Variants in FBN3 observed in about 807,000 individuals in gnomAD.
The protein encoded by FBN3 is fibrillin-3.
In FBN3, 234 loss-of-function variants were observed where a neutral mutation model predicts 330.1. The ratio of observed to expected loss-of-function variants is 0.71; its 90% CI spans 0.64 to 0.79. The LOEUF is 0.79. Ranked by LOEUF, FBN3 falls within the 30% of genes least tolerant of loss-of-function variation. The probability of loss-of-function intolerance (pLI) is 0.00; values close to 1 mark genes in which losing one functional copy is unlikely to be tolerated. For synonymous variants in FBN3, 1,458 were observed against 1,517.3 expected, an observed-to-expected ratio of 0.96 and a Z score of 0.91; for missense variants, 3,606 against 3,886.9, an observed-to-expected ratio of 0.93 and a Z score of 1.92.
Position 8,129,455 on chromosome 19 carries a change from T to G in FBN3, c.2045-90A>C. On this transcript the variant is annotated intron_variant, in intron 16 of 63. Coordinates refer to ENST00000600128, the MANE Select transcript of FBN3 (RefSeq NM_032447.5). The surrounding 1 kb of genome is among the most constrained non-coding windows in gnomAD (Gnocchi z 4.5). Reference sequence around the variant, plus strand: ...TGTGTCGCGGCGCACCAGGGGTCTCTAGAAGTCAGATTCCCCAAGGCCATA... The same window carrying G: ...TGTGTCGCGGCGCACCAGGGGTCTCGAGAAGTCAGATTCCCCAAGGCCATA... 1 of 1,530,928 alleles carries G rather than the reference T, an allele frequency of 6.5e-7. No homozygotes were observed. The highest frequency in any genetic ancestry group is 8.9e-7 in the Non-Finnish European group (1 of 1,126,710). The allele number at this position is 1,530,928 out of a possible 1,614,324, so 94.8% of individuals were successfully genotyped here. A position where few individuals can be genotyped will look rare whatever the true frequency, so the allele number is the denominator to read the frequency against.
intron 6 of FBN3, among the ~76,000 whole-genome samples, chr19:8,143,736 G>A (rs1427057268): frequency 2.7e-5 from 4 of 150,928 alleles, no homozygotes; most frequent in Non-Finnish European, 5.9e-5. Flanking sequence ...CGAGTGATCT[G>A]CCCGCCTCGG....
chr19:8,101,187 C>G (rs1675790878), intron 40 of FBN3, among the ~76,000 whole-genome samples: 1 of 152,082 alleles, frequency 6.6e-6, no homozygotes, highest in African/African-American at 2.4e-5. Flanking sequence ...TGCACTGGTG[C>G]AATCACGGCT....
chr19:8,111,215 G>C, intron 32 of FBN3, 32 bp from the exon 33 acceptor site: 1 of 1,563,856 alleles, frequency 6.4e-7, no homozygotes, highest in Non-Finnish European at 8.7e-7. Context: ...AGGGCTGGAG[G>C]CCGGTGGACC....
intron 8 of FBN3, 56 bp downstream of exon 8, chr19:8,141,661 C>T: frequency 1.3e-6 from 2 of 1,553,750 alleles, no homozygotes; most frequent in East Asian, 4.5e-5. Flanking sequence ...GAGCCTGAGC[C>T]CCCCAGGTCA....
chr19:8,135,936 G>GGTCCCCCCCCCCC, intron 13 of FBN3, 25 bp downstream of exon 13: 2 of 668,778 alleles, frequency 3.0e-6, no homozygotes, highest in South Asian at 1.6e-5. Flanking sequence ...GGAAGCCCCT[G>GGTCCCCCCCCCCC]CCCACCCGCC....
At chr19:8,139,749 T>C in intron 8 of FBN3, among the ~76,000 whole-genome samples, 2 of 152,010 alleles carry the variant, frequency 1.3e-5, no homozygotes, top group Non-Finnish European at 2.9e-5. Context: ...AATGGCTTTA[T>C]GCAGCGATCA....
At chr19:8,094,400 G>C (rs1443066320) in intron 47 of FBN3, 46 bp downstream of exon 47, 8 of 1,573,848 alleles carry the variant, frequency 5.1e-6, no homozygotes, top group Non-Finnish European at 6.9e-6. Flanking sequence ...TGGAGAAAGA[G>C]AGGCACTCCC....
chr19:8,115,350 C>T lies in FBN3; in HGVS notation c.3838+165G>A, dbSNP rs147761940. Among the ~76,000 whole-genome samples, 13 of 152,296 alleles carry T rather than the reference C, an allele frequency of 8.5e-5. No individual in the cohort carries two copies. The East Asian group carries it at 2.5e-3, about 29-fold the overall frequency. On this transcript the variant is annotated intron_variant, in intron 30 of 63. Transcript: ENST00000600128. ...GAGCTGTTCAGGGGACCCCCCGGGG[C>T]ACTGTATAGGACTCTGTTCTTGCTT...
rs1028601966 is a variant in FBN3, at chr19:8,131,885, C to T, written c.1715-56G>A. On this transcript the variant is annotated intron_variant, in intron 14 of 63. Coordinates refer to ENST00000600128, the MANE Select transcript of FBN3 (RefSeq NM_032447.5). The surrounding 1 kb of genome is among the most constrained non-coding windows in gnomAD (Gnocchi z 4.5). ...TTCCAGCGTGCTCCCTTCCTCTCTC[C>T]CCTCCCCATCTCCCAACATTTCCAT... 85 of 1,457,714 alleles carry T rather than the reference C, an allele frequency of 5.8e-5. No individual in the cohort carries two copies. The highest frequency in any genetic ancestry group is 2.0e-4 in the Admixed American group (8 of 39,440). 90.3% of individuals were successfully genotyped at this position (1,457,714 alleles called of 1,614,324 possible). A position where few individuals can be genotyped will look rare whatever the true frequency, so the allele number is the denominator to read the frequency against.
At chr19:8,102,125 C>A (rs2082339956) in intron 40 of FBN3, among the ~76,000 whole-genome samples, 1 of 152,228 alleles carries the variant, frequency 6.6e-6, no homozygotes. Flanking sequence ...GTAAGACGTG[C>A]TTTTGCTCCT....
chr19:8,146,971 G>A (rs888022815), intron 3 of FBN3, 133 bp downstream of exon 3: 2 of 781,414 alleles, frequency 2.6e-6, no homozygotes, highest in Admixed American at 4.3e-5. Flanking sequence ...GACAGACGCA[G>A]ATGCAAGGGC....
chr19:8,111,833 G>C, intron 31 of FBN3, 63 bp from the exon 32 acceptor site: 1 of 1,585,138 alleles, frequency 6.3e-7, no homozygotes, highest in South Asian at 1.1e-5. Context: ...GCGCAGAAGG[G>C]AGAAAGACCC....
At chr19:8,103,042 G>A (rs983262458) in intron 39 of FBN3, among the ~76,000 whole-genome samples, 169 bp from the exon 40 acceptor site, 15 of 152,042 alleles carry the variant, frequency 9.9e-5, no homozygotes, top group Non-Finnish European at 1.6e-4. Context: ...GGAGGCGGGC[G>A]GATCACTTGA....
Position 8,133,034 on chromosome 19 carries a change from C to G in FBN3, c.1664G>C (p.Cys555Ser), listed in dbSNP as rs896143958. Residue 555 changes from cysteine to serine, a missense_variant, in exon 14 of 64, where the codon TGC becomes TCC. Physicochemically the swap from Cys to Ser is moderately radical, Grantham distance 112 (BLOSUM62 -1). Transcript: ENST00000600128. Reference sequence around the variant, plus strand: ...CAGCAGGAAGCCGGGTTTGCAGAGGCAGGAGAAGCTGCCATCCTCGTTGAG... The same window carrying G: ...CAGCAGGAAGCCGGGTTTGCAGAGGGAGGAGAAGCTGCCATCCTCGTTGAG... ...VCLNEDGSFS[C>S]LCKPGFLLAP... 2 of 1,585,170 alleles carry G rather than the reference C, an allele frequency of 1.3e-6. No homozygotes were observed. Among genetic ancestry groups the G allele is most frequent in the African/African-American group, 2.7e-5 (2 of 74,594 alleles).
At chr19:8,076,771 T>C (rs1190791074) in intron 59 of FBN3, among the ~76,000 whole-genome samples, 2 of 152,256 alleles carry the variant, frequency 1.3e-5, no homozygotes, top group African/African-American at 4.8e-5. Context: ...CTGTTAATTT[T>C]GGTTTTTTTA....
chr19:8,084,005 T>A (rs1489352734), intron 56 of FBN3, among the ~76,000 whole-genome samples: 1 of 151,806 alleles, frequency 6.6e-6, no homozygotes, highest in Admixed American at 6.6e-5. Flanking sequence ...GGTTTCACCG[T>A]GTCAGCCAGG....
chr19:8,130,665 GAAAAGAAAAGAAAA>G lies in FBN3; in HGVS notation c.2044+556_2044+569del, dbSNP rs1568440605. 9.1e-5 allele frequency among the ~76,000 whole-genome samples: 10 copies of G among 109,524 alleles called. 2 individuals are homozygous for G. Among genetic ancestry groups the G allele is most frequent in the African/African-American group, 3.6e-4 (9 of 25,218 alleles). 71.9% of individuals were successfully genotyped at this position (109,524 alleles called of 152,430 possible). A position where few individuals can be genotyped will look rare whatever the true frequency, so the allele number is the denominator to read the frequency against. On this transcript the variant is annotated intron_variant, in intron 16 of 63. Transcript: ENST00000600128. ...GAAAGGAAAGGAAAGGAAAGGAAAA[GAAAAGAAAAGAAAA>G]GAAAAGAAAAGAAAAGAAAAGAAAA... is the stretch of plus-strand genomic sequence containing the variant.
At chr19:8,135,415 T>C (rs1308433002) in intron 13 of FBN3, among the ~76,000 whole-genome samples, 1 of 151,880 alleles carries the variant, frequency 6.6e-6, no homozygotes, top group Non-Finnish European at 1.5e-5. Context: ...GTAGCTGGGA[T>C]TACAGGTGTC....
chr19:8,108,027 GGTCCT>G (rs1237504527), intron 37 of FBN3, 138 bp downstream of exon 37: 9 of 608,442 alleles, frequency 1.5e-5, no homozygotes, highest in Non-Finnish European at 2.6e-5. Context: ...AGCATAGTGT[GGTCCT>G]GCTGCTCAGC....
Sources: gnomAD v4.1 joint callset for allele counts (sites outside exome capture counted in the v4.1 genomes callset) on GRCh38, gnomAD v4.1.1 for gene constraint, Gnocchi (gnomAD v3.1) non-coding constraint, MANE v1.5 for transcripts, NCBI Gene and HGNC (gene_info 2026-07-23, HGNC 2026-07-21) for gene names.